Variants in CFAP97 observed in about 807,000 individuals in gnomAD.
CFAP97 encodes cilia- and flagella-associated protein 97.
In CFAP97, 36 loss-of-function variants were observed where a neutral mutation model predicts 43.1. The observed-to-expected ratio is 0.84, with a 90% CI of 0.64 to 1.10. The LOEUF is 1.10. CFAP97 is among the 50% of genes least tolerant of loss of function. CFAP97 has a pLI of 0.00. For missense variants in CFAP97, 657 were observed against 620.3 expected, an observed-to-expected ratio of 1.06 and a Z score of -0.63; for synonymous variants, 228 against 225.7, an observed-to-expected ratio of 1.01 and a Z score of -0.09.
chr4:185,203,441 G>A (rs1737006438), intron 1 of CFAP97, among the ~76,000 whole-genome samples: 1 of 152,142 alleles, frequency 6.6e-6, no homozygotes, highest in African/African-American at 2.4e-5. Flanking sequence ...GCCCAATTGG[G>A]TACATGAAAA....
chr4:185,179,404 G>C (rs1286530459), intron 2 of CFAP97, among the ~76,000 whole-genome samples: 1 of 152,036 alleles, frequency 6.6e-6, no homozygotes, highest in Non-Finnish European at 1.5e-5. Context: ...AATCTGGGAG[G>C]GTTTATGACC....
At chr4:185,198,126 G>A (rs1346076552) in intron 1 of CFAP97, among the ~76,000 whole-genome samples, 1 of 152,134 alleles carries the variant, frequency 6.6e-6, no homozygotes, top group Non-Finnish European at 1.5e-5. Context: ...GCTACCTGAG[G>A]CTGTCTCATA....
chr4:185,168,198 G>T (rs529017352), intron 3 of CFAP97, among the ~76,000 whole-genome samples: 2 of 151,362 alleles, frequency 1.3e-5, no homozygotes, highest in African/African-American at 4.8e-5. Context: ...ATATTTAATG[G>T]ATTAAAAAAC....
chr4:185,162,573 T>C lies in CFAP97; in HGVS notation c.*225A>G. 1.9e-6 allele frequency: 1 copy of C among 515,626 alleles called. No homozygotes were observed. The highest frequency in any genetic ancestry group is 2.1e-5 in the South Asian group (1 of 47,234). 31.9% of individuals were successfully genotyped at this position (515,626 alleles called of 1,614,324 possible). On this transcript the variant is annotated 3_prime_UTR_variant, in exon 5 of 5. Coordinates refer to ENST00000458385, the MANE Select transcript of CFAP97 (RefSeq NM_020827.3). The stretch of plus-strand genomic sequence containing the variant: ...ACACATGCATACCACTATTTCTCTA[T>C]TAAGAACACATACATCTCATATAAA...
intron 1 of CFAP97, among the ~76,000 whole-genome samples, chr4:185,192,567 T>A (rs1736311895): frequency 6.6e-6 from 1 of 152,018 alleles, no homozygotes; most frequent in African/African-American, 2.4e-5. Context: ...ATTTTAATAC[T>A]CCATACAGTT....
intron 1 of CFAP97, among the ~76,000 whole-genome samples, chr4:185,197,512 C>T (rs954486442): frequency 6.6e-6 from 1 of 151,966 alleles, no homozygotes; most frequent in African/African-American, 2.4e-5. Flanking sequence ...ACCGCAACCT[C>T]AGACTCCCTG....
At chr4:185,171,836 A>G (rs556474463) in intron 3 of CFAP97, among the ~76,000 whole-genome samples, 4 of 152,268 alleles carry the variant, frequency 2.6e-5, no homozygotes, top group East Asian at 1.9e-4. Flanking sequence ...TCCCAGGCCC[A>G]TGCAATCCTC....
intron 1 of CFAP97, among the ~76,000 whole-genome samples, chr4:185,191,922 A>C (rs1375223348): frequency 6.6e-6 from 1 of 152,262 alleles, no homozygotes; most frequent in African/African-American, 2.4e-5. Flanking sequence ...AGTTAAAAAA[A>C]AACTCATAGT....
At chr4:185,206,776 C>T (rs1737206718), upstream of CFAP97, among the ~76,000 whole-genome samples, 1 of 151,276 alleles carries the variant, frequency 6.6e-6, no homozygotes, top group African/African-American at 2.4e-5. Context: ...AATTGGCTTA[C>T]ATGATTATGG....
At chr4:185,198,869 T>C (rs566266596) in intron 1 of CFAP97, among the ~76,000 whole-genome samples, 1 of 152,270 alleles carries the variant, frequency 6.6e-6, no homozygotes, top group East Asian at 1.9e-4. Flanking sequence ...AGAGAATTGC[T>C]GAATGTGACT....
chr4:185,194,048 A>G (rs955876899), intron 1 of CFAP97, among the ~76,000 whole-genome samples: 14 of 152,156 alleles, frequency 9.2e-5, no homozygotes, highest in African/African-American at 3.4e-4. Context: ...CTGTTTTTGT[A>G]AATAAAGTTT....
chr4:185,190,224 A>C lies in CFAP97; in HGVS notation c.973T>G (p.Ser325Ala). The change falls in exon 2 of 5, where the codon TCA (serine) becomes GCA (alanine). Residue 325 changes from serine (S) to alanine (A), a missense_variant. Coordinates refer to ENST00000458385, the MANE Select transcript of CFAP97 (RefSeq NM_020827.3). ...HEPDVSSKSSSVLDSSLDHRH... is the reference protein window; with the variant it reads ...HEPDVSSKSSAVLDSSLDHRH... ...TGGTCTAAACTGGAGTCTAACACTGAAGACGACTTTGAGGAGACATCAGGC... is the reference window on the plus strand; with the variant it reads ...TGGTCTAAACTGGAGTCTAACACTGCAGACGACTTTGAGGAGACATCAGGC... 6.2e-7 allele frequency: 1 copy of C among 1,613,648 alleles called. No individual in the cohort carries two copies. The highest frequency in any genetic ancestry group is 8.5e-7 in the Non-Finnish European group (1 of 1,179,784).
chr4:185,165,336 T>G lies in CFAP97; in HGVS notation c.1321-1157A>C, dbSNP rs142579593. 6.0e-3 allele frequency among the ~76,000 whole-genome samples: 888 copies of G among 148,242 alleles called. 9 individuals carry two copies. Among genetic ancestry groups the G allele is most frequent in the African/African-American group, 0.021 (853 of 40,078 alleles). ...TTTAAAAAAGGATATATATACCAATTGGCCAAGGCAACACAGTATCCAATA... is the reference window on the plus strand; with the variant it reads ...TTTAAAAAAGGATATATATACCAATGGGCCAAGGCAACACAGTATCCAATA... On this transcript the variant is annotated intron_variant, in intron 3 of 4. Transcript: ENST00000458385.
chr4:185,160,569 G>C lies in CFAP97; in HGVS notation c.*2229C>G, dbSNP rs1288352056. 6.6e-6 allele frequency: 1 copy of C among 151,916 alleles called. No individual in the cohort carries two copies. Among genetic ancestry groups the C allele is most frequent in the African/African-American group, 2.4e-5 (1 of 41,384 alleles). 9.4% of individuals were successfully genotyped at this position (151,916 alleles called of 1,614,324 possible). ...ATATTCATTATATATAAGTAACCAT[G>C]ACAACAGAATTGAAGTTCCGCTTAA... On this transcript the variant is annotated 3_prime_UTR_variant, in exon 5 of 5. Coordinates refer to ENST00000458385, the MANE Select transcript of CFAP97 (RefSeq NM_020827.3).
chr4:185,190,953 CT>C lies in CFAP97; in HGVS notation c.243del (p.Glu82ArgfsTer8), dbSNP rs1736222374. The C allele has an allele frequency of 6.2e-7, 1 of 1,613,744 alleles. No homozygotes were observed. Among genetic ancestry groups the C allele is most frequent in the African/African-American group, 1.3e-5 (1 of 74,934 alleles). On this transcript the variant is annotated frameshift_variant, in exon 2 of 5. Transcript: ENST00000458385. LOFTEE classifies it high-confidence loss of function. ...RNVKFPPEHP[V>X]ENDVTQTVSS... ...CTTACAGTTTGTGTAACATCATTCTCTACGGGGTGTTCTGGGGGAAATTTCA... is the reference window on the plus strand; with the variant it reads ...CTTACAGTTTGTGTAACATCATTCTCACGGGGTGTTCTGGGGGAAATTTCA...
intron 2 of CFAP97, among the ~76,000 whole-genome samples, chr4:185,180,455 T>G (rs2094450093): frequency 6.6e-6 from 1 of 152,184 alleles, no homozygotes; most frequent in African/African-American, 2.4e-5. Flanking sequence ...TCTGGAAGCT[T>G]TGTCTCTATA....
In CFAP97 at chr4:185,160,943, T is replaced by C. The variant is rs1453350864; in HGVS notation, c.*1855A>G. 3 of 148,152 alleles carry C rather than the reference T, an allele frequency of 2.0e-5. No homozygotes were observed. The highest frequency in any genetic ancestry group is 4.5e-5 in the Non-Finnish European group (3 of 67,032). The allele number at this position is 148,152 out of a possible 1,614,324, so 9.2% of individuals were successfully genotyped here. A position where few individuals can be genotyped will look rare whatever the true frequency, so the allele number is the denominator to read the frequency against. ...ATTATATATATAAAACATATATATA[T>C]ATTTTTTTCTGGAACAACTTAAAAA... On this transcript the variant is annotated 3_prime_UTR_variant, in exon 5 of 5. Coordinates refer to ENST00000458385, the MANE Select transcript of CFAP97 (RefSeq NM_020827.3).
upstream of CFAP97, chr4:185,204,255 G>A (rs12506359): frequency 0.46 from 69,727 of 152,142 alleles, 16,543 homozygotes; most frequent in East Asian, 0.58. Flanking sequence ...GGCTGCCTAG[G>A]GCGGCGCGGG....
intron 1 of CFAP97, among the ~76,000 whole-genome samples, chr4:185,201,344 G>A (rs1400500847): frequency 9.6e-6 from 1 of 104,614 alleles, no homozygotes; most frequent in Non-Finnish European, 2.0e-5. Context: ...AAAAAAAAAA[G>A]TTCTACTCTG....
Sources: gnomAD v4.1 joint callset for allele counts (sites outside exome capture counted in the v4.1 genomes callset) on GRCh38, gnomAD v4.1.1 for gene constraint, MANE v1.5 for transcripts, NCBI Gene and HGNC (gene_info 2026-07-23, HGNC 2026-07-21) for gene names.